SARM1: variants seen among roughly 807,000 people sequenced by gnomAD.
SARM1 encodes NAD(+) hydrolase SARM1.
In SARM1, 60 loss-of-function variants were observed where a neutral mutation model predicts 65.1. That is an observed-to-expected ratio of 0.92 (90% confidence interval 0.75 to 1.14). The LOEUF (loss-of-function observed/expected upper bound fraction) is 1.14, where lower values mean the gene tolerates loss of function less well. Ranked by LOEUF, SARM1 falls within the 50% of genes most tolerant of loss-of-function variation. SARM1 has a pLI of 0.00. For synonymous variants in SARM1, 417 were observed against 465.4 expected (o/e 0.90, Z 1.34); for missense variants, 913 against 1,015.7 (o/e 0.90, Z 1.37).
chr17:28,378,644 T>G (rs958009721), intron 1 of SARM1, among the ~76,000 whole-genome samples: 2 of 152,088 alleles, frequency 1.3e-5, no homozygotes, highest in Non-Finnish European at 1.5e-5. Flanking sequence ...TTGTTTTTTG[T>G]TTTTTGGGTT....
In SARM1 at chr17:28,372,201, G is replaced by A. The variant is rs1225331114; in HGVS notation, c.169G>A (p.Ala57Thr). Residue 57 changes from alanine to threonine, a missense_variant, in exon 1 of 9, where the codon GCA (alanine) becomes ACA (threonine). Ala to Thr is a moderately conservative substitution (Grantham distance 58). This residue lies in a region of SARM1 where 862 missense variants were observed against 952.1 expected (regional missense o/e 0.91). Transcript: ENST00000585482. The surrounding 1 kb of genome is among the most constrained non-coding windows in gnomAD (Gnocchi z 5.2). ...CGGGCCCCGCGAAGTGTCGCCGGGGGCAGGCACCGAGGTGCAGGACGCCCT... is the reference window on the plus strand; with the variant it reads ...CGGGCCCCGCGAAGTGTCGCCGGGGACAGGCACCGAGGTGCAGGACGCCCT... ...GRGPREVSPG[A>T]GTEVQDALER... 3 of 1,371,852 alleles carry A rather than the reference G, an allele frequency of 2.2e-6. No individual in the cohort carries two copies. The highest frequency in any genetic ancestry group is 3.1e-5 in the East Asian group (1 of 32,594). 85.0% of individuals were successfully genotyped at this position (1,371,852 alleles called of 1,614,324 possible).
At chr17:28,374,464 C>T (rs2067977971) in intron 1 of SARM1, among the ~76,000 whole-genome samples, 1 of 151,640 alleles carries the variant, frequency 6.6e-6, no homozygotes, top group African/African-American at 2.4e-5. Flanking sequence ...TGGAACTCGG[C>T]AGGCAGAGGC....
Position 28,384,491 on chromosome 17 carries a change from C to T in SARM1, c.1224C>T (p.Ser408=), listed in dbSNP as rs2068039569. ...AGGTGCCACGGCCCATCCTGCCCTCCGTGCCCAGCTGGAAGGAGGCCGAGG... is the reference window on the plus strand; with the variant it reads ...AGGTGCCACGGCCCATCCTGCCCTCTGTGCCCAGCTGGAAGGAGGCCGAGG... ...GEEVPRPILP[S]VPSWKEAEVQ... Residue 408 remains serine, a synonymous_variant, in exon 3 of 9, where the codon TCC becomes TCT. Coordinates refer to ENST00000585482, the MANE Select transcript of SARM1 (RefSeq NM_015077.4). This position sits in a 1 kb window ranked among gnomAD's most constrained non-coding sequence, Gnocchi z 4.4. 1 of 1,613,548 alleles carries T rather than the reference C, an allele frequency of 6.2e-7. No individual in the cohort carries two copies. The highest frequency in any genetic ancestry group is 1.7e-5 in the Admixed American group (1 of 59,978).
At chr17:28,381,155 C>A in intron 1 of SARM1, 48 bp from the exon 2 acceptor site, 1 of 1,540,792 alleles carries the variant, frequency 6.5e-7, no homozygotes, top group Non-Finnish European at 8.7e-7. Flanking sequence ...AAGCCAAGCT[C>A]CCCAAGCTGC....
intron 7 of SARM1, among the ~76,000 whole-genome samples, chr17:28,394,055 TAG>T (rs1307713986): frequency 2.0e-5 from 3 of 151,744 alleles, no homozygotes; most frequent in Non-Finnish European, 2.9e-5. Flanking sequence ...AGGGCAGGGG[TAG>T]AGTTTGAGAA....
intron 7 of SARM1, 92 bp downstream of exon 7, chr17:28,388,631 G>C (rs573371344): frequency 9.6e-4 from 1,280 of 1,338,456 alleles, no homozygotes; most frequent in Non-Finnish European, 1.2e-3. Flanking sequence ...TGCACATCCC[G>C]GCACACTTAG....
Position 28,399,527 on chromosome 17 carries a change from G to A in SARM1, c.*3241G>A, listed in dbSNP as rs886052752. ...TGCCTTGGTCTCTCTTGACTACCTCGTCCAAAGAGAGCACTGCCCTTAGAC... is the reference window on the plus strand; with the variant it reads ...TGCCTTGGTCTCTCTTGACTACCTCATCCAAAGAGAGCACTGCCCTTAGAC... On this transcript the variant is annotated 3_prime_UTR_variant, in exon 9 of 9. Transcript: ENST00000585482. 18 of 909,312 alleles carry A rather than the reference G, an allele frequency of 2.0e-5. No homozygotes were observed. Among genetic ancestry groups the A allele is most frequent in the South Asian group, 7.7e-5 (5 of 64,806 alleles). 56.3% of individuals were successfully genotyped at this position (909,312 alleles called of 1,614,324 possible).
At position 28,372,003 on chromosome 17, in the gene SARM1, G is replaced by A; in HGVS notation, c.-30G>A. 1 of 1,440,184 alleles carries A rather than the reference G, an allele frequency of 6.9e-7. No individual in the cohort carries two copies. Among genetic ancestry groups the A allele is most frequent in the East Asian group, 2.9e-5 (1 of 33,954 alleles). The allele number at this position is 1,440,184 out of a possible 1,614,324, so 89.2% of individuals were successfully genotyped here. On this transcript the variant is annotated 5_prime_UTR_variant, in exon 1 of 9. Coordinates refer to ENST00000585482, the MANE Select transcript of SARM1 (RefSeq NM_015077.4). The surrounding 1 kb of genome is among the most constrained non-coding windows in gnomAD (Gnocchi z 5.2). ...TCTCTCCGCGTGGCCCCGCCTCCAG[G>A]CCGGGGATGTCCCCCGCGGCCCCGC...
rs781927743 is a variant in SARM1 at position 28,384,557 on chromosome 17, C to A, written c.1290C>A (p.Cys430Ter). The change falls in exon 3 of 9, where the codon TGC becomes TGA. Residue 430 changes from cysteine to a stop codon, truncating the protein, a stop_gained. Transcript: ENST00000585482. LOFTEE classifies it high-confidence loss of function. The surrounding 1 kb of genome is among the most constrained non-coding windows in gnomAD (Gnocchi z 4.4). ...AGCAGATCGGTTTCTCCAAGTACTG[C>A]GAGAGCTTCCGGGTAGAGTCGCGTG... ...WLQQIGFSKY[C>*]ESFREQQVDG... The A allele has an allele frequency of 6.9e-6, 11 of 1,605,804 alleles. No homozygotes were observed. The highest frequency in any genetic ancestry group is 1.3e-5 in the African/African-American group (1 of 74,776).
Position 28,384,281 on chromosome 17 carries a change from G to A in SARM1, c.1090-76G>A. Reference sequence around the variant, plus strand: ...GACTTTGGGTTGTGAGAAGAGACAAGGAGAGGGACTGGGCACGTGTGGGAG... The same window carrying A: ...GACTTTGGGTTGTGAGAAGAGACAAAGAGAGGGACTGGGCACGTGTGGGAG... On this transcript the variant is annotated intron_variant, in intron 2 of 8. Coordinates refer to ENST00000585482, the MANE Select transcript of SARM1 (RefSeq NM_015077.4). This position sits in a 1 kb window ranked among gnomAD's most constrained non-coding sequence, Gnocchi z 4.4. 1 of 1,240,316 alleles carries A rather than the reference G, an allele frequency of 8.1e-7. No homozygotes were observed. Among genetic ancestry groups the A allele is most frequent in the Non-Finnish European group, 1.1e-6 (1 of 889,642 alleles). 76.8% of individuals were successfully genotyped at this position (1,240,316 alleles called of 1,614,324 possible). A position where few individuals can be genotyped will look rare whatever the true frequency, so the allele number is the denominator to read the frequency against.
rs1555590123 is a variant in SARM1, at chr17:28,403,631, G to T, written c.*7345G>T. The T allele has an allele frequency of 6.6e-6, 1 of 152,002 alleles. No individual in the cohort carries two copies. Among genetic ancestry groups the T allele is most frequent in the African/African-American group, 2.4e-5 (1 of 41,404 alleles). 9.4% of individuals were successfully genotyped at this position (152,002 alleles called of 1,614,324 possible). A position where few individuals can be genotyped will look rare whatever the true frequency, so the allele number is the denominator to read the frequency against. ...CTTCTGCTTAATTGTCAGACAAGCAGTTGAGTTAAGAAATCTGTGATTATT... is the reference window on the plus strand; with the variant it reads ...CTTCTGCTTAATTGTCAGACAAGCATTTGAGTTAAGAAATCTGTGATTATT... On this transcript the variant is annotated 3_prime_UTR_variant, in exon 9 of 9. Transcript: ENST00000585482.
chr17:28,386,071 A>C (rs2068048880), intron 5 of SARM1, among the ~76,000 whole-genome samples: 1 of 152,202 alleles, frequency 6.6e-6, no homozygotes, highest in Non-Finnish European at 1.5e-5. Context: ...AGGCAGGCGG[A>C]TCGCTCAAGT....
At position 28,384,629 on chromosome 17, in the gene SARM1, T is replaced by C; in HGVS notation, c.1302+60T>C. 5 of 1,448,518 alleles carry C rather than the reference T, an allele frequency of 3.5e-6. No homozygotes were observed. The South Asian group carries it at 4.0e-5, about 12-fold the overall frequency. The allele number at this position is 1,448,518 out of a possible 1,614,324, so 89.7% of individuals were successfully genotyped here. A position where few individuals can be genotyped will look rare whatever the true frequency, so the allele number is the denominator to read the frequency against. On this transcript the variant is annotated intron_variant, in intron 3 of 8. Transcript: ENST00000585482. The surrounding 1 kb of genome is among the most constrained non-coding windows in gnomAD (Gnocchi z 4.4). ...GAGCGGGCGCCCTGTGCACAGGGAC[T>C]GCGTTCCCTCCCCGCCTCGCAATCC... is the stretch of plus-strand genomic sequence containing the variant.
intron 1 of SARM1, among the ~76,000 whole-genome samples, chr17:28,380,057 C>CTTTTTTTTTTTTTTTTTTTTTTTCT (rs61029083): frequency 2.8e-5 from 3 of 106,112 alleles, no homozygotes; most frequent in East Asian, 5.4e-4. Context: ...TTTTTCTTTT[C>CTTTTTTTTTTTTTTTTTTTTTTTCT]TTTTTTTTTT....
Position 28,400,950 on chromosome 17 carries a change from C to G in SARM1, c.*4664C>G, listed in dbSNP as rs782396308. 1.6e-6 allele frequency: 1 copy of G among 637,022 alleles called. No individual in the cohort carries two copies. Among genetic ancestry groups the G allele is most frequent in the Non-Finnish European group, 2.8e-6 (1 of 353,596 alleles). The allele number at this position is 637,022 out of a possible 1,614,324, so 39.5% of individuals were successfully genotyped here. ...CAGTAAGGTCATATGTGGACAGTAG[C>G]TGGCACAGAGGGGCTACTAAACAAA... On this transcript the variant is annotated 3_prime_UTR_variant, in exon 9 of 9. Coordinates refer to ENST00000585482, the MANE Select transcript of SARM1 (RefSeq NM_015077.4).
chr17:28,392,393 G>A (rs755969362), intron 7 of SARM1, among the ~76,000 whole-genome samples: 1 of 152,176 alleles, frequency 6.6e-6, no homozygotes, highest in Non-Finnish European at 1.5e-5. Context: ...TGGGATTACA[G>A]ACATGAGCCA....
chr17:28,399,727 G>C lies in SARM1; in HGVS notation c.*3441G>C. 1 of 1,613,702 alleles carries C rather than the reference G, an allele frequency of 6.2e-7. No homozygotes were observed. Among genetic ancestry groups the C allele is most frequent in the Non-Finnish European group, 8.5e-7 (1 of 1,179,670 alleles). ...TTTTCCAGCATCCTGTGAGAGACCA[G>C]AGAGAGAGTTTGGATTTCATGTGGG... On this transcript the variant is annotated 3_prime_UTR_variant, in exon 9 of 9. Transcript: ENST00000585482.
Position 28,384,325 on chromosome 17 carries a change from G to C in SARM1, c.1090-32G>C, listed in dbSNP as rs781954125. 6.6e-7 allele frequency: 1 copy of C among 1,519,220 alleles called. No homozygotes were observed. Among genetic ancestry groups the C allele is most frequent in the South Asian group, 1.3e-5 (1 of 77,842 alleles). 94.1% of individuals were successfully genotyped at this position (1,519,220 alleles called of 1,614,324 possible). On this transcript the variant is annotated intron_variant, in intron 2 of 8. Transcript: ENST00000585482. The surrounding 1 kb of genome is among the most constrained non-coding windows in gnomAD (Gnocchi z 4.4). ...GTGGGAGCACCTGGAGAGCTGGTGGGACCTACAGCCCTCTCCCCACTCCCT... is the reference window on the plus strand; with the variant it reads ...GTGGGAGCACCTGGAGAGCTGGTGGCACCTACAGCCCTCTCCCCACTCCCT...
intron 7 of SARM1, 189 bp from the exon 8 acceptor site, chr17:28,395,716 T>G (rs1315099553): frequency 3.3e-6 from 2 of 605,402 alleles, no homozygotes; most frequent in African/African-American, 3.7e-5. Context: ...TGCCAGGAAC[T>G]CTGGGCAAAG....
Sources: allele counts gnomAD v4.1 joint callset (sites outside exome capture counted in the v4.1 genomes callset), GRCh38; gene constraint gnomAD v4.1.1; regional missense constraint gnomAD v4.1.1; non-coding constraint Gnocchi (gnomAD v3.1); transcripts MANE v1.5; gene names NCBI Gene and HGNC (gene_info 2026-07-23, HGNC 2026-07-21).